DOP1B: variants seen among roughly 807,000 people sequenced by gnomAD.
DOP1B encodes the protein DOP1 leucine zipper like protein B, also known as protein DOP1B.
In DOP1B, 174 loss-of-function variants were observed where a neutral mutation model predicts 233.5. That is an observed-to-expected ratio of 0.75 (90% CI 0.66 to 0.85). DOP1B has a LOEUF of 0.85. DOP1B is among the 40% of genes least tolerant of loss of function. DOP1B has a pLI of 0.00. For synonymous variants in DOP1B, 1,190 were observed against 1,185.6 expected, an observed-to-expected ratio of 1.00 and a Z score of -0.08; for missense variants, 2,652 against 2,846.6, an observed-to-expected ratio of 0.93 and a Z score of 1.56.
intron 4 of DOP1B, among the ~76,000 whole-genome samples, chr21:36,207,499 G>GTTTT (rs1164791099): frequency 1.5e-4 from 13 of 89,602 alleles, no homozygotes; most frequent in South Asian, 3.3e-4. Flanking sequence ...AGTTTTTTTT[G>GTTTT]TTTTTTTTTT....
chr21:36,167,570 C>T (rs2065924441), intron 2 of DOP1B, among the ~76,000 whole-genome samples: 1 of 152,170 alleles, frequency 6.6e-6, no homozygotes, highest in Admixed American at 6.5e-5. Context: ...ACAAAATTCA[C>T]CATTTACCCA....
chr21:36,238,303 C>G (rs1410363180), intron 16 of DOP1B, among the ~76,000 whole-genome samples: 1 of 152,184 alleles, frequency 6.6e-6, no homozygotes, highest in Non-Finnish European at 1.5e-5. Flanking sequence ...CTGACACTTG[C>G]AAGGAAGCCA....
chr21:36,243,153 T>C (rs1346243627), intron 18 of DOP1B, among the ~76,000 whole-genome samples: 3 of 152,054 alleles, frequency 2.0e-5, no homozygotes, highest in Non-Finnish European at 4.4e-5. Context: ...CTAATTTTTG[T>C]ATTTTTAGTA....
rs867592519 is a variant in DOP1B at position 36,270,290 on chromosome 21, C to T, written c.5632+133C>T. 3.5e-5 allele frequency: 35 copies of T among 986,340 alleles called. No individual in the cohort carries two copies. In the Admixed American group the frequency reaches 8.2e-4, roughly 23 times the overall value. The allele number at this position is 986,340 out of a possible 1,614,324, so 61.1% of individuals were successfully genotyped here. On this transcript the variant is annotated intron_variant, in intron 27 of 36. Transcript: ENST00000691173. ...AAGGTAGGCTGGGTGCGGTGGCTCA[C>T]GCCTGTAATCCCAGCACTTTGGGAG... is the stretch of plus-strand genomic sequence containing the variant.
intron 26 of DOP1B, among the ~76,000 whole-genome samples, chr21:36,267,164 G>T (rs1263608598): frequency 2.0e-5 from 3 of 152,238 alleles, no homozygotes; most frequent in Non-Finnish European, 4.4e-5. Context: ...TGGCTGAGAA[G>T]CCTGCTTCGA....
chr21:36,174,643 T>C (rs994266976), intron 2 of DOP1B, among the ~76,000 whole-genome samples: 1 of 152,198 alleles, frequency 6.6e-6, no homozygotes, highest in Non-Finnish European at 1.5e-5. Context: ...TAGCTGAGAC[T>C]ACAGGCATGT....
chr21:36,265,529 A>G (rs147430298), intron 26 of DOP1B, among the ~76,000 whole-genome samples: 1 of 152,254 alleles, frequency 6.6e-6, no homozygotes, highest in Non-Finnish European at 1.5e-5. Context: ...AGGTGCTGGG[A>G]TAGCACTTGC....
At chr21:36,259,264 C>CTTTT (rs11411588) in intron 23 of DOP1B, among the ~76,000 whole-genome samples, 3 of 136,652 alleles carry the variant, frequency 2.2e-5, no homozygotes, top group African/African-American at 2.7e-5. Context: ...TGCGCCCGGG[C>CTTTT]TTTTTTTTTT....
intron 30 of DOP1B, 148 bp from the exon 31 acceptor site, chr21:36,280,137 A>C: frequency 1.9e-6 from 1 of 516,226 alleles, no homozygotes; most frequent in Non-Finnish European, 3.4e-6. Flanking sequence ...GGCCTCCCAA[A>C]GTGCTGGGAT....
intron 2 of DOP1B, among the ~76,000 whole-genome samples, chr21:36,174,670 G>A (rs2066004777): frequency 6.6e-6 from 1 of 152,076 alleles, no homozygotes; most frequent in Non-Finnish European, 1.5e-5. Flanking sequence ...TACCATGCCT[G>A]GCTAATTTTT....
intron 32 of DOP1B, among the ~76,000 whole-genome samples, chr21:36,282,477 G>T (rs1423580527): frequency 2.0e-5 from 3 of 152,074 alleles, no homozygotes; most frequent in Non-Finnish European, 2.9e-5. Flanking sequence ...GTTTTTAAAA[G>T]TCTGACCACA....
Position 36,270,176 on chromosome 21 carries a change from G to A in DOP1B, c.5632+19G>A. The A allele has an allele frequency of 1.2e-6, 2 of 1,611,748 alleles. No homozygotes were observed. Among genetic ancestry groups the A allele is most frequent in the South Asian group, 2.2e-5 (2 of 90,830 alleles). ...CTGTATGGTAGGTGGAGATGGGTTGGCTGATAGTGCCTCTGGTCAGCGCGT... is the reference window on the plus strand; with the variant it reads ...CTGTATGGTAGGTGGAGATGGGTTGACTGATAGTGCCTCTGGTCAGCGCGT... On this transcript the variant is annotated intron_variant, in intron 27 of 36. Transcript: ENST00000691173.
At chr21:36,251,915 A>G (rs528251742) in intron 22 of DOP1B, among the ~76,000 whole-genome samples, 2 of 152,336 alleles carry the variant, frequency 1.3e-5, no homozygotes, top group African/African-American at 4.8e-5. Flanking sequence ...ATTTTTAAAG[A>G]ATAAAAATGG....
Position 36,232,838 on chromosome 21 carries a change from G to A in DOP1B, c.2385G>A (p.Lys795=), listed in dbSNP as rs756951653. 1.9e-6 allele frequency: 3 copies of A among 1,613,250 alleles called. No individual in the cohort carries two copies. The highest frequency in any genetic ancestry group is 2.5e-6 in the Non-Finnish European group (3 of 1,179,896). Residue 795 remains lysine, a synonymous_variant, in exon 15 of 37, where the codon AAG becomes AAA. Coordinates refer to ENST00000691173, the MANE Select transcript of DOP1B (RefSeq NM_001320714.2). ...AGDSSFPSWL[K]SLMTICCCVT... is the part of the protein sequence containing the mutation. ...ATTCCAGTTTTCCATCTTGGCTGAA[G>A]TCCCTCATGACTATTTGCTGCTGTG...
chr21:36,259,183 T>G (rs1316693440), intron 23 of DOP1B, among the ~76,000 whole-genome samples: 1 of 151,930 alleles, frequency 6.6e-6, no homozygotes, highest in Admixed American at 6.6e-5. Flanking sequence ...GCTAGGATGG[T>G]CTCGATCTCC....
intron 32 of DOP1B, 47 bp from the exon 33 acceptor site, chr21:36,287,967 C>G (rs776973355): frequency 6.3e-7 from 1 of 1,592,498 alleles, no homozygotes; most frequent in Non-Finnish European, 8.5e-7. Context: ...GATAAGAAAC[C>G]CTAAACTGCA....
intron 32 of DOP1B, 123 bp from the exon 33 acceptor site, chr21:36,287,891 A>G (rs1446486671): frequency 7.1e-6 from 9 of 1,275,022 alleles, no homozygotes; most frequent in Non-Finnish European, 8.6e-6. Flanking sequence ...GGCCTGTAAC[A>G]CTCATTCCTT....
At chr21:36,161,232 G>A (rs1286099393) in intron 1 of DOP1B, among the ~76,000 whole-genome samples, 1 of 151,360 alleles carries the variant, frequency 6.6e-6, no homozygotes, top group Non-Finnish European at 1.5e-5. Flanking sequence ...TGCAACCTCC[G>A]CCTCCTGGAT....
At chr21:36,248,064 T>C (rs562876318) in intron 20 of DOP1B, among the ~76,000 whole-genome samples, 1 of 152,326 alleles carries the variant, frequency 6.6e-6, no homozygotes, top group East Asian at 1.9e-4. Context: ...GAAATCTGAG[T>C]AGGCAGACAT....
Sources: allele counts gnomAD v4.1 joint callset (sites outside exome capture counted in the v4.1 genomes callset), GRCh38; gene constraint gnomAD v4.1.1; transcripts MANE v1.5; gene names NCBI Gene and HGNC (gene_info 2026-07-23, HGNC 2026-07-21).